SERHL2: variants seen among roughly 807,000 people sequenced by gnomAD.
The protein encoded by SERHL2 is serine hydrolase like 2.
A neutral mutation model predicts 25.5 loss-of-function variants in SERHL2; 29 were observed. The observed-to-expected ratio is 1.14, with a 90% CI of 0.85 to 1.55. The LOEUF is 1.55. Ranked by LOEUF, SERHL2 falls within the 40% of genes most tolerant of loss-of-function variation. SERHL2 has a pLI of 0.00. For missense variants in SERHL2, 240 were observed against 252.3 expected (o/e 0.95, Z 0.33); for synonymous variants, 95 against 103.5 (o/e 0.92, Z 0.50).
chr22:42,570,019 A>G (rs1012776852), intron 9 of SERHL2: 1 of 152,062 alleles, frequency 6.6e-6, no homozygotes, highest in Non-Finnish European at 1.5e-5. Context: ...AGAACTAGGG[A>G]TAGAGAAAAT....
intron 9 of SERHL2, among the ~76,000 whole-genome samples, chr22:42,570,609 G>A (rs749963567): frequency 3.3e-5 from 5 of 152,172 alleles, no homozygotes; most frequent in Non-Finnish European, 4.4e-5. Flanking sequence ...ACAGTCACAA[G>A]ACAGGGCTGG....
At chr22:42,569,251 C>T (rs1415403112) in intron 9 of SERHL2, 1 of 151,386 alleles carries the variant, frequency 6.6e-6, no homozygotes, top group Non-Finnish European at 1.5e-5. Flanking sequence ...AGCAAAGCAC[C>T]TACCTTCTAT....
At chr22:42,572,069 A>T (rs1200896605) in intron 10 of SERHL2, among the ~76,000 whole-genome samples, 1 of 152,004 alleles carries the variant, frequency 6.6e-6, no homozygotes, top group Non-Finnish European at 1.5e-5. Context: ...AAAACCACAG[A>T]ATTGTAGACT....
At chr22:42,567,721 T>A (rs549966316) in intron 9 of SERHL2, among the ~76,000 whole-genome samples, 3 of 132,012 alleles carry the variant, frequency 2.3e-5, no homozygotes, top group East Asian at 1.2e-3. Context: ...TTTCTTTAAT[T>A]TTATTATTAT....
At chr22:42,572,619 C>T in intron 11 of SERHL2, 90 bp downstream of exon 11, 1 of 1,529,474 alleles carries the variant, frequency 6.5e-7, no homozygotes. Flanking sequence ...TGGGAAGACC[C>T]TGGGTCTGCC....
intron 9 of SERHL2, among the ~76,000 whole-genome samples, chr22:42,567,640 C>A (rs533594293): frequency 1.5e-4 from 23 of 150,624 alleles, no homozygotes; most frequent in Non-Finnish European, 3.1e-4. Context: ...GTTCGCAGTC[C>A]GGCCTGGGCG....
chr22:42,554,012 A>G lies in SERHL2; in HGVS notation c.-9A>G. On this transcript the variant is annotated 5_prime_UTR_variant, in exon 1 of 12. Transcript: ENST00000327678. ...GGAGTGACAGCAGCGCATTCGCGGGACGAGAGCGATGAGTGAGAACGCCGC... is the reference window on the plus strand; with the variant it reads ...GGAGTGACAGCAGCGCATTCGCGGGGCGAGAGCGATGAGTGAGAACGCCGC... 2 of 1,613,536 alleles carry G rather than the reference A, an allele frequency of 1.2e-6. No homozygotes were observed. Among genetic ancestry groups the G allele is most frequent in the Non-Finnish European group, 1.7e-6 (2 of 1,179,772 alleles).
At chr22:42,573,214 G>A (rs1209378247) in intron 11 of SERHL2, 2 of 151,098 alleles carry the variant, frequency 1.3e-5, no homozygotes, top group Non-Finnish European at 2.9e-5. Context: ...CCAGGTCAGA[G>A]CCAAGGCAGG....
chr22:42,567,617 T>G (rs1393466737), intron 9 of SERHL2, among the ~76,000 whole-genome samples: 1 of 151,496 alleles, frequency 6.6e-6, no homozygotes, highest in East Asian at 1.9e-4. Flanking sequence ...TGAGCCGAGA[T>G]TGCGCCACTG....
Position 42,570,651 on chromosome 22 carries a change from C to G in SERHL2, c.649-470C>G, listed in dbSNP as rs144680700. ...CGCGGAGGAGGCCGGCAGGGGCCAT[C>G]ACGGAGTGCCCATCCTGCACTGTGG... On this transcript the variant is annotated intron_variant, in intron 9 of 11. Coordinates refer to ENST00000327678, the MANE Select transcript of SERHL2 (RefSeq NM_014509.5). 2.2e-3 allele frequency among the ~76,000 whole-genome samples: 339 copies of G among 152,292 alleles called. 1 individual carries two copies. The highest frequency in any genetic ancestry group is 7.7e-3 in the African/African-American group (322 of 41,586).
In SERHL2 at chr22:42,572,532, A is replaced by T. The variant is rs759732481; in HGVS notation, c.825+3A>T. The T allele has an allele frequency of 1.1e-5, 18 of 1,611,476 alleles. No homozygotes were observed. The African/African-American group carries it at 2.0e-4, about 18-fold the overall frequency. ...CGATGAAATCCACCCTCAAAGAGGT[A>T]AGACGGGGCTCAGGCAGCTGGTGTC... On this transcript the variant is annotated splice_donor_region_variant and intron_variant, in intron 11 of 11. Coordinates refer to ENST00000327678, the MANE Select transcript of SERHL2 (RefSeq NM_014509.5).
In SERHL2 at chr22:42,571,205, T is replaced by C; in HGVS notation, c.731+2T>C. 3 of 1,603,628 alleles carry C rather than the reference T, an allele frequency of 1.9e-6. No individual in the cohort carries two copies. The highest frequency in any genetic ancestry group is 2.6e-6 in the Non-Finnish European group (3 of 1,172,108). ...GCAGGCCCATGTCCTGTTGATCAAGTAAGTCTGGACCCATCCCCTTCAGCC... is the reference window on the plus strand; with the variant it reads ...GCAGGCCCATGTCCTGTTGATCAAGCAAGTCTGGACCCATCCCCTTCAGCC... On this transcript the variant is annotated splice_donor_variant, in intron 10 of 11. Coordinates refer to ENST00000327678, the MANE Select transcript of SERHL2 (RefSeq NM_014509.5). LOFTEE classifies it high-confidence loss of function.
In SERHL2 at chr22:42,554,017, A is replaced by G. The variant is rs747812507; in HGVS notation, c.-4A>G. The G allele has an allele frequency of 1.6e-5, 26 of 1,613,416 alleles. 1 individual carries two copies. The highest frequency in any genetic ancestry group is 6.6e-5 in the South Asian group (6 of 91,062). ...GACAGCAGCGCATTCGCGGGACGAGAGCGATGAGTGAGAACGCCGCACCAG... is the reference window on the plus strand; with the variant it reads ...GACAGCAGCGCATTCGCGGGACGAGGGCGATGAGTGAGAACGCCGCACCAG... On this transcript the variant is annotated 5_prime_UTR_variant, in exon 1 of 12. Transcript: ENST00000327678.
chr22:42,567,761 G>A (rs1348446651), intron 9 of SERHL2, among the ~76,000 whole-genome samples: 1 of 150,076 alleles, frequency 6.7e-6, no homozygotes, highest in African/African-American at 2.5e-5. Context: ...ACAGAGTCTC[G>A]CTCTTGTTGC....
chr22:42,560,347 C>G, intron 8 of SERHL2, 82 bp downstream of exon 8: 1 of 1,043,460 alleles, frequency 9.6e-7, no homozygotes, highest in Non-Finnish European at 1.5e-6. Flanking sequence ...TTAGACCAGG[C>G]AGGATACTAA....
chr22:42,565,418 CG>C (rs1923243655), intron 8 of SERHL2: 1 of 151,362 alleles, frequency 6.6e-6, no homozygotes, highest in African/African-American at 2.4e-5. Flanking sequence ...CTCTGCCTCC[CG>C]GGTTTAAGCG....
At chr22:42,560,049 T>A (rs896078492) in intron 7 of SERHL2, 137 bp from the exon 8 acceptor site, 2 of 658,544 alleles carry the variant, frequency 3.0e-6, no homozygotes, top group Non-Finnish European at 5.5e-6. Flanking sequence ...TGACCTCAGA[T>A]GATCCGCCCA....
At chr22:42,559,226 A>AT (rs1295047311) in intron 7 of SERHL2, among the ~76,000 whole-genome samples, 54 of 92,082 alleles carry the variant, frequency 5.9e-4, no homozygotes, top group Non-Finnish European at 9.5e-4. Flanking sequence ...GAGACCCTGT[A>AT]TTTAAAAAAA....
intron 9 of SERHL2, among the ~76,000 whole-genome samples, chr22:42,567,527 G>A (rs1157359624): frequency 4.6e-5 from 7 of 151,268 alleles, no homozygotes; most frequent in African/African-American, 9.7e-5. Context: ...AGCCGGGCGC[G>A]GTGGCAGGCG....
Sources: allele counts gnomAD v4.1 joint callset (sites outside exome capture counted in the v4.1 genomes callset), GRCh38; gene constraint gnomAD v4.1.1; transcripts MANE v1.5; gene names NCBI Gene and HGNC (gene_info 2026-07-23, HGNC 2026-07-21).